FIGN: variants seen among roughly 807,000 people sequenced by gnomAD.
FIGN encodes fidgetin, microtubule severing factor.
FIGN carries 11 observed loss-of-function variants against 51.3 expected under a neutral mutation model. That is an observed-to-expected ratio of 0.21 (90% CI 0.13 to 0.35). The LOEUF (loss-of-function observed/expected upper bound fraction) is 0.35, where lower values mean the gene tolerates loss of function less well. FIGN is among the 10% of genes least tolerant of loss of function. The pLI, the probability that FIGN is intolerant of heterozygous loss-of-function variation, is 1.00. For missense variants in FIGN, 857 were observed against 943.6 expected, an observed-to-expected ratio of 0.91 and a Z score of 1.20; for synonymous variants, 407 against 363.2, an observed-to-expected ratio of 1.12 and a Z score of -1.37.
intron 2 of FIGN, among the ~76,000 whole-genome samples, chr2:163,628,636 G>C (rs535990793): frequency 6.6e-6 from 1 of 151,950 alleles, no homozygotes; most frequent in East Asian, 1.9e-4. Context: ...TTAAGCAAGA[G>C]GAAGGAAAAA....
chr2:163,661,438 C>A (rs1683681754), intron 2 of FIGN, among the ~76,000 whole-genome samples: 1 of 151,590 alleles, frequency 6.6e-6, no homozygotes, highest in African/African-American at 2.4e-5. Flanking sequence ...CTCTCATCAC[C>A]CAGGCTGGAG....
intron 2 of FIGN, among the ~76,000 whole-genome samples, chr2:163,722,967 A>G (rs2105364137): frequency 6.6e-6 from 1 of 151,826 alleles, no homozygotes; most frequent in Admixed American, 6.5e-5. Context: ...CGGGCGGATC[A>G]TGAGGTCAGG....
chr2:163,679,517 A>G (rs2105338236), intron 2 of FIGN, among the ~76,000 whole-genome samples: 1 of 151,222 alleles, frequency 6.6e-6, no homozygotes, highest in South Asian at 2.1e-4. Flanking sequence ...AATGTACACT[A>G]TTTGAGCTAA....
At chr2:163,619,375 C>G (rs879401045) in intron 2 of FIGN, among the ~76,000 whole-genome samples, 1 of 152,080 alleles carries the variant, frequency 6.6e-6, no homozygotes, top group Non-Finnish European at 1.5e-5. Context: ...TTCATAAAAG[C>G]CTGTATTTAA....
intron 2 of FIGN, among the ~76,000 whole-genome samples, chr2:163,695,604 A>T (rs1054501321): frequency 2.0e-5 from 3 of 152,206 alleles, no homozygotes; most frequent in African/African-American, 7.2e-5. Flanking sequence ...TGAAAATGAA[A>T]GACTATTAGT....
intron 2 of FIGN, among the ~76,000 whole-genome samples, chr2:163,730,762 A>G (rs1460664): frequency 0.37 from 56,256 of 152,040 alleles, 10,967 homozygotes; most frequent in African/African-American, 0.49. Context: ...CTGATTAATC[A>G]AGTTCTATCG....
At chr2:163,672,653 T>A (rs1683896234) in intron 2 of FIGN, among the ~76,000 whole-genome samples, 1 of 152,088 alleles carries the variant, frequency 6.6e-6, no homozygotes, top group East Asian at 1.9e-4. Flanking sequence ...ATGCTTCAAT[T>A]CCATGATTCT....
chr2:163,722,611 T>C (rs1249828914), intron 2 of FIGN, among the ~76,000 whole-genome samples: 1 of 152,204 alleles, frequency 6.6e-6, no homozygotes, highest in Non-Finnish European at 1.5e-5. Context: ...AAGTAGTCTA[T>C]AGATTTATGT....
rs567019745 is a variant in FIGN at position 163,692,324 on chromosome 2, A to G, written c.25+42579T>C. ...GGAGGTGTTGGTCCCTTTCATAGTT[A>G]AAATTATTTTATAGCTAGGCTCCTA... On this transcript the variant is annotated intron_variant, in intron 2 of 2. Transcript: ENST00000333129. 5.7e-4 allele frequency among the ~76,000 whole-genome samples: 87 copies of G among 152,300 alleles called. No homozygotes were observed. The South Asian group carries it at 6.4e-3, about 11-fold the overall frequency.
chr2:163,694,391 G>A (rs1408443121), intron 2 of FIGN, among the ~76,000 whole-genome samples: 2 of 152,096 alleles, frequency 1.3e-5, no homozygotes, highest in African/African-American at 4.8e-5. Context: ...CATTCTAGGG[G>A]CTCTAAGAGG....
chr2:163,641,705 A>G (rs1291641031), intron 2 of FIGN, among the ~76,000 whole-genome samples: 1 of 150,724 alleles, frequency 6.6e-6, no homozygotes, highest in African/African-American at 2.4e-5. Context: ...AGCAAATGCC[A>G]TGGCAAATGC....
intron 2 of FIGN, among the ~76,000 whole-genome samples, chr2:163,661,532 G>A (rs1447302766): frequency 6.6e-6 from 1 of 152,032 alleles, no homozygotes; most frequent in African/African-American, 2.4e-5. Context: ...AAGTAGCTGG[G>A]ATTAGAAGCA....
intron 2 of FIGN, among the ~76,000 whole-genome samples, chr2:163,651,243 A>G (rs1247785274): frequency 6.6e-6 from 1 of 152,138 alleles, no homozygotes; most frequent in African/African-American, 2.4e-5. Flanking sequence ...CATGTGGATC[A>G]CGAGATCAGG....
chr2:163,671,792 G>A (rs1450706765), intron 2 of FIGN, among the ~76,000 whole-genome samples: 7 of 151,966 alleles, frequency 4.6e-5, no homozygotes, highest in Admixed American at 2.6e-4. Flanking sequence ...TAAAAAGCAG[G>A]GGCTGATATC....
At chr2:163,703,254 T>C (rs539787092) in intron 2 of FIGN, among the ~76,000 whole-genome samples, 1 of 152,136 alleles carries the variant, frequency 6.6e-6, no homozygotes, top group Admixed American at 6.6e-5. Flanking sequence ...TCCCTAATTT[T>C]TGTGGGACTG....
chr2:163,715,864 A>C (rs1477672025), intron 2 of FIGN, among the ~76,000 whole-genome samples: 2 of 152,220 alleles, frequency 1.3e-5, no homozygotes, highest in African/African-American at 4.8e-5. Context: ...GAAAGTATAC[A>C]CATACGCCCA....
chr2:163,681,973 C>T (rs1274126620), intron 2 of FIGN, among the ~76,000 whole-genome samples: 4 of 152,172 alleles, frequency 2.6e-5, no homozygotes, highest in South Asian at 2.1e-4. Context: ...CCGGATTGGA[C>T]ATATCCCAAG....
rs1691182779 is a variant in FIGN at position 163,609,528 on chromosome 2, C to G, written c.*24G>C. ...TATGTGTGTGTGCCAACATTCATTA[C>G]ATTTTTTTTTTCTAAAGAAGTTATC... On this transcript the variant is annotated 3_prime_UTR_variant, in exon 3 of 3. Coordinates refer to ENST00000333129, the MANE Select transcript of FIGN (RefSeq NM_018086.4). 6.6e-7 allele frequency: 1 copy of G among 1,522,772 alleles called. No homozygotes were observed. Among genetic ancestry groups the G allele is most frequent in the Non-Finnish European group, 8.9e-7 (1 of 1,123,324 alleles). The allele number at this position is 1,522,772 out of a possible 1,614,324, so 94.3% of individuals were successfully genotyped here. A position where few individuals can be genotyped will look rare whatever the true frequency, so the allele number is the denominator to read the frequency against.
chr2:163,630,459 C>T (rs1303808765), intron 2 of FIGN, among the ~76,000 whole-genome samples: 1 of 152,074 alleles, frequency 6.6e-6, no homozygotes, highest in African/African-American at 2.4e-5. Flanking sequence ...GTCCCCAACA[C>T]CAGGCAGGTG....
Sources: gnomAD v4.1 joint callset for allele counts (sites outside exome capture counted in the v4.1 genomes callset) on GRCh38, gnomAD v4.1.1 for gene constraint, MANE v1.5 for transcripts, NCBI Gene and HGNC (gene_info 2026-07-23, HGNC 2026-07-21) for gene names.